Variants in C18orf63 observed in about 807,000 individuals in gnomAD.
C18orf63 encodes uncharacterized protein C18orf63.
A neutral mutation model predicts 75.3 loss-of-function variants in C18orf63; 50 were observed. The observed-to-expected ratio is 0.66, with a 90% CI of 0.53 to 0.84. The LOEUF (loss-of-function observed/expected upper bound fraction) is 0.84. Ranked by LOEUF, C18orf63 falls within the 40% of genes least tolerant of loss-of-function variation. The pLI, the probability that C18orf63 is intolerant of heterozygous loss-of-function variation, is 0.00. For synonymous variants in C18orf63, 232 were observed against 267.6 expected (o/e 0.87, Z 1.30); for missense variants, 732 against 800.2 (o/e 0.91, Z 1.03).
At chr18:74,330,814 A>G (rs1984291935) in intron 6 of C18orf63, 52 bp from the exon 7 acceptor site, 3 of 674,468 alleles carry the variant, frequency 4.4e-6, no homozygotes, top group Non-Finnish European at 7.2e-6. Context: ...TACTTAATTT[A>G]ATAGTAGAGT....
chr18:74,321,258 G>T (rs1244233209), intron 3 of C18orf63, among the ~76,000 whole-genome samples: 1 of 151,784 alleles, frequency 6.6e-6, no homozygotes, highest in Non-Finnish European at 1.5e-5. Context: ...CTAGGTCTTG[G>T]TTATATGTCC....
intron 4 of C18orf63, among the ~76,000 whole-genome samples, chr18:74,323,839 T>C (rs1409548358): frequency 1.3e-5 from 2 of 152,200 alleles, no homozygotes; most frequent in Non-Finnish European, 2.9e-5. Context: ...TGGGTGGGTT[T>C]TCTTTTGATA....
rs567158632 is a variant in C18orf63 at position 74,347,463 on chromosome 18, C to T, written c.978+3761C>T. ...GTATCTGTCATTGGATTTGGGCCAC[C>T]GTGAAACAGGCACATCCTTGGGCAT... On this transcript the variant is annotated intron_variant, in intron 11 of 13. Transcript: ENST00000579455. 4.6e-5 allele frequency among the ~76,000 whole-genome samples: 7 copies of T among 152,290 alleles called. 1 individual carries two copies. The South Asian group carries it at 6.2e-4, about 14-fold the overall frequency.
rs147984010 is a variant in C18orf63, at chr18:74,349,138, G to A, written c.979-4108G>A. 7.9e-3 allele frequency among the ~76,000 whole-genome samples: 1,208 copies of A among 152,220 alleles called. 8 individuals carry two copies. The highest frequency in any genetic ancestry group is 0.013 in the Non-Finnish European group (864 of 68,012). The stretch of plus-strand genomic sequence containing the variant: ...TTACTACAGTTTATAGAACCCAAGG[G>A]TCCAAACAGTGGGTGTTCTTTGCTT... On this transcript the variant is annotated intron_variant, in intron 11 of 13. Transcript: ENST00000579455.
intron 3 of C18orf63, 114 bp downstream of exon 3, chr18:74,320,705 T>G: frequency 1.6e-6 from 1 of 614,448 alleles, no homozygotes; most frequent in South Asian, 2.4e-5. Context: ...AATTGATTAA[T>G]CACAATGTGT....
chr18:74,342,350 G>A lies in C18orf63; in HGVS notation c.794+24G>A, dbSNP rs73468658. On this transcript the variant is annotated intron_variant, in intron 10 of 13. Transcript: ENST00000579455. ...ACATATCCTTTACACACCAACTGAA[G>A]CAGATGCTGTCTGCCCACCTTATAA... 1,605 of 1,363,682 alleles carry A rather than the reference G, an allele frequency of 1.2e-3. 13 individuals carry two copies. In the African/African-American group the frequency reaches 0.021, roughly 18 times the overall value. 84.5% of individuals were successfully genotyped at this position (1,363,682 alleles called of 1,614,324 possible). A position where few individuals can be genotyped will look rare whatever the true frequency, so the allele number is the denominator to read the frequency against.
At chr18:74,348,643 CAA>C (rs56673839) in intron 11 of C18orf63, among the ~76,000 whole-genome samples, 18,441 of 152,072 alleles carry the variant, frequency 0.12, 1,462 homozygotes, top group Admixed American at 0.18. Context: ...TTGCATTTGC[CAA>C]TGACACTTGG....
chr18:74,342,386 C>T, intron 10 of C18orf63, 60 bp downstream of exon 10: 2 of 985,442 alleles, frequency 2.0e-6, no homozygotes, highest in South Asian at 1.4e-5. Context: ...TCTAGTTTTG[C>T]TCCCACTCTC....
Position 74,354,075 on chromosome 18 carries a change from C to A in C18orf63, c.1808C>A (p.Thr603Asn). ...CACATTTTTGAATCAGATGGAGAAA[C>A]CGAAGATCCACGACTGCTACAGCAG... ...QPHIFESDGETEDPRLLQQQS... is the reference protein window; with the variant it reads ...QPHIFESDGENEDPRLLQQQS... The change falls in exon 12 of 14, where the codon ACC (threonine) becomes AAC (asparagine). Residue 603 changes from threonine to asparagine, a missense_variant. Transcript: ENST00000579455. 6.5e-7 allele frequency: 1 copy of A among 1,536,152 alleles called. No individual in the cohort carries two copies. The highest frequency in any genetic ancestry group is 8.7e-7 in the Non-Finnish European group (1 of 1,146,896).
intron 1 of C18orf63, among the ~76,000 whole-genome samples, chr18:74,317,044 C>T (rs1984038611): frequency 2.0e-5 from 3 of 152,208 alleles, no homozygotes; most frequent in Admixed American, 2.0e-4. Flanking sequence ...ACCACAAACT[C>T]ATTTCAGTAC....
intron 11 of C18orf63, among the ~76,000 whole-genome samples, chr18:74,344,072 T>C (rs191419982): frequency 2.8e-4 from 43 of 152,098 alleles, no homozygotes; most frequent in Admixed American, 7.9e-4. Flanking sequence ...CCTCACCAAA[T>C]CAAGTAAGTT....
intron 2 of C18orf63, 24 bp downstream of exon 2, chr18:74,318,023 A>G (rs1002447123): frequency 1.4e-6 from 2 of 1,426,836 alleles, no homozygotes; most frequent in South Asian, 1.6e-5. Context: ...TCTTATAACT[A>G]AGACTTTTAA....
chr18:74,336,405 G>A (rs1984391759), intron 7 of C18orf63, among the ~76,000 whole-genome samples: 2 of 152,012 alleles, frequency 1.3e-5, no homozygotes, highest in South Asian at 2.1e-4. Context: ...ATGTCTGAGG[G>A]AATCATATGT....
At chr18:74,321,734 G>A (rs1984126729) in intron 3 of C18orf63, among the ~76,000 whole-genome samples, 1 of 151,814 alleles carries the variant, frequency 6.6e-6, no homozygotes, top group Admixed American at 6.6e-5. Context: ...TAGAGTACTA[G>A]TAAATTCAAG....
intron 2 of C18orf63, among the ~76,000 whole-genome samples, chr18:74,320,156 T>A (rs1413960951): frequency 6.6e-6 from 1 of 152,172 alleles, no homozygotes; most frequent in African/African-American, 2.4e-5. Context: ...TAAGACTGGA[T>A]AATTTATGAA....
intron 11 of C18orf63, among the ~76,000 whole-genome samples, chr18:74,351,061 G>A (rs1202809023): frequency 6.6e-6 from 1 of 152,156 alleles, no homozygotes; most frequent in African/African-American, 2.4e-5. Flanking sequence ...AACTAAGACG[G>A]TGTGTCTTCT....
At chr18:74,329,777 G>T (rs2145119709) in intron 6 of C18orf63, among the ~76,000 whole-genome samples, 1 of 152,188 alleles carries the variant, frequency 6.6e-6, no homozygotes, top group South Asian at 2.1e-4. Context: ...TTACTACATG[G>T]CCTAATCCAG....
chr18:74,328,969 A>G, intron 5 of C18orf63, 26 bp from the exon 6 acceptor site: 3 of 1,308,226 alleles, frequency 2.3e-6, no homozygotes, highest in East Asian at 2.5e-5. Flanking sequence ...TTGTAATAAC[A>G]TGGCATATTC....
At chr18:74,321,316 T>A (rs578143392) in intron 3 of C18orf63, among the ~76,000 whole-genome samples, 5 of 142,056 alleles carry the variant, frequency 3.5e-5, no homozygotes, top group Admixed American at 2.1e-4. Flanking sequence ...CCTTCCTTCC[T>A]TTTTTTGAGA....
Sources: allele counts gnomAD v4.1 joint callset (sites outside exome capture counted in the v4.1 genomes callset), GRCh38; gene constraint gnomAD v4.1.1; transcripts MANE v1.5; gene names NCBI Gene and HGNC (gene_info 2026-07-23, HGNC 2026-07-21).